Variants in PIGN observed in about 807,000 individuals in gnomAD.
The protein encoded by PIGN is phosphatidylinositol glycan anchor biosynthesis class N, also known as GPI ethanolamine phosphate transferase 1.
In PIGN, 117 loss-of-function variants were observed where a neutral mutation model predicts 125.4. The ratio of observed to expected loss-of-function variants is 0.93; its 90% CI spans 0.80 to 1.09. The LOEUF (loss-of-function observed/expected upper bound fraction) is 1.09. PIGN is among the 50% of genes least tolerant of loss of function. The pLI is 0.00. For synonymous variants in PIGN, 392 were observed against 377.8 expected (o/e 1.04, Z -0.44); for missense variants, 1,075 against 1,094.9 (o/e 0.98, Z 0.26).
At chr18:62,088,161 A>T (rs930465344) in intron 25 of PIGN, among the ~76,000 whole-genome samples, 2 of 152,204 alleles carry the variant, frequency 1.3e-5, no homozygotes, top group African/African-American at 4.8e-5. Flanking sequence ...AATTTTTGTC[A>T]ATTATACTTC....
chr18:62,124,221 C>T (rs1475314883), intron 14 of PIGN, among the ~76,000 whole-genome samples: 1 of 152,120 alleles, frequency 6.6e-6, no homozygotes, highest in Non-Finnish European at 1.5e-5. Context: ...GTAGACCAAG[C>T]ATTCCACAGA....
chr18:62,102,280 TA>T (rs764063220), intron 21 of PIGN, among the ~76,000 whole-genome samples: 7 of 145,724 alleles, frequency 4.8e-5, no homozygotes, highest in Non-Finnish European at 9.0e-5. Context: ...ATCAAATTAC[TA>T]AAAAGTACCC....
chr18:62,119,392 G>C (rs1447197384), intron 14 of PIGN, among the ~76,000 whole-genome samples: 1 of 145,620 alleles, frequency 6.9e-6, no homozygotes, highest in Non-Finnish European at 1.5e-5. Context: ...AGACAAGACA[G>C]AAAGTTGTAA....
intron 30 of PIGN, among the ~76,000 whole-genome samples, chr18:62,065,030 A>G (rs1305876520): frequency 6.6e-6 from 1 of 152,186 alleles, no homozygotes; most frequent in Non-Finnish European, 1.5e-5. Flanking sequence ...AAGGACAAAC[A>G]CGGGACTTCC....
intron 30 of PIGN, among the ~76,000 whole-genome samples, chr18:62,065,975 C>T (rs573085268): frequency 5.9e-5 from 9 of 151,986 alleles, no homozygotes; most frequent in African/African-American, 2.2e-4. Flanking sequence ...TTCATCACTA[C>T]TTCCCTGATT....
At position 62,090,469 on chromosome 18, in the gene PIGN, C is replaced by A. The variant is rs1323150225; in HGVS notation, c.2283+7G>T. 1 of 1,549,932 alleles carries A rather than the reference C, an allele frequency of 6.5e-7. No homozygotes were observed. Among genetic ancestry groups the A allele is most frequent in the South Asian group, 1.1e-5 (1 of 87,054 alleles). On this transcript the variant is annotated splice_region_variant and intron_variant, in intron 24 of 30. Coordinates refer to ENST00000640252, the MANE Select transcript of PIGN (RefSeq NM_176787.5). ...AAATAAAAACAAAAATGACTTTGAC[C>A]AGCTACCTTTTGTTTACAGCAAACA...
At chr18:62,112,055 T>C (rs977199644) in intron 16 of PIGN, among the ~76,000 whole-genome samples, 4 of 152,182 alleles carry the variant, frequency 2.6e-5, no homozygotes, top group Non-Finnish European at 5.9e-5. Flanking sequence ...GAGTGGCCTT[T>C]AATAAGTAAC....
In PIGN at chr18:62,041,780, C is replaced by T. The variant is rs62096630; in HGVS notation, c.*4076G>A. 0.3 allele frequency: 44,749 copies of T among 150,600 alleles called. 7,899 individuals are homozygous for T. Among genetic ancestry groups the T allele is most frequent in the East Asian group, 0.58 (2,941 of 5,044 alleles). 9.3% of individuals were successfully genotyped at this position (150,600 alleles called of 1,614,324 possible). ...CTGACCTCAAGTGATCCACCCACCT[C>T]GGCCTCCCAAAGTGCTGGAATTACA... On this transcript the variant is annotated 3_prime_UTR_variant, in exon 31 of 31. Coordinates refer to ENST00000640252, the MANE Select transcript of PIGN (RefSeq NM_176787.5).
intron 14 of PIGN, among the ~76,000 whole-genome samples, chr18:62,119,660 A>G (rs1335410209): frequency 1.3e-5 from 2 of 152,106 alleles, no homozygotes; most frequent in East Asian, 3.9e-4. Context: ...CCTGGCCAAC[A>G]TGGTGAAACC....
At chr18:62,024,902 C>G (rs975406150) in intron 23 of PIGN, among the ~76,000 whole-genome samples, 6 of 152,178 alleles carry the variant, frequency 3.9e-5, no homozygotes, top group African/African-American at 1.4e-4. Flanking sequence ...TTGGAAATGT[C>G]ACCATGAATA....
Position 62,154,526 on chromosome 18 carries a change from A to C in PIGN, c.549+19T>G. 8.9e-7 allele frequency: 1 copy of C among 1,125,404 alleles called. No homozygotes were observed. The highest frequency in any genetic ancestry group is 1.3e-6 in the Non-Finnish European group (1 of 741,596). 69.7% of individuals were successfully genotyped at this position (1,125,404 alleles called of 1,614,324 possible). A position where few individuals can be genotyped will look rare whatever the true frequency, so the allele number is the denominator to read the frequency against. On this transcript the variant is annotated intron_variant, in intron 7 of 30. Transcript: ENST00000640252. ...GTAAAAATATGCTTTTTGTATATTA[A>C]CCACTCAATAGCACAAACCTTAACA...
chr18:62,038,249 C>T (rs541461528), downstream of PIGN, among the ~76,000 whole-genome samples: 3 of 149,532 alleles, frequency 2.0e-5, no homozygotes, highest in East Asian at 2.0e-4. Context: ...AGTGGAGCTT[C>T]GGATTTCTCG....
At position 62,093,025 on chromosome 18, in the gene PIGN, G is replaced by A. The variant is rs546118823; in HGVS notation, c.2181-2447C>T. 1.1e-4 allele frequency among the ~76,000 whole-genome samples: 16 copies of A among 152,048 alleles called. No individual in the cohort carries two copies. In the South Asian group the frequency reaches 3.1e-3, roughly 30 times the overall value. ...TTTTATAGCAGCTTATAACTCTATT[G>A]TACACTAGCAGTACACTAATGGTTC... On this transcript the variant is annotated intron_variant, in intron 23 of 30. Coordinates refer to ENST00000640252, the MANE Select transcript of PIGN (RefSeq NM_176787.5).
At position 62,045,739 on chromosome 18, in the gene PIGN, T is replaced by G; in HGVS notation, c.*117A>C. 1 of 934,382 alleles carries G rather than the reference T, an allele frequency of 1.1e-6. No homozygotes were observed. Among genetic ancestry groups the G allele is most frequent in the Non-Finnish European group, 1.5e-6 (1 of 652,546 alleles). The allele number at this position is 934,382 out of a possible 1,614,324, so 57.9% of individuals were successfully genotyped here. A position where few individuals can be genotyped will look rare whatever the true frequency, so the allele number is the denominator to read the frequency against. On this transcript the variant is annotated 3_prime_UTR_variant, in exon 31 of 31. Transcript: ENST00000640252. ...CAATTCGGAATTCCAAATACCATTTTCCTTACAGGAGTAGAATATACTATA... is the reference window on the plus strand; with the variant it reads ...CAATTCGGAATTCCAAATACCATTTGCCTTACAGGAGTAGAATATACTATA...
chr18:62,137,499 C>G (rs949472513), intron 14 of PIGN: 1 of 164,230 alleles, frequency 6.1e-6, no homozygotes, highest in African/African-American at 2.4e-5. Context: ...CCAGTAGAAG[C>G]TGATGTCTCC....
chr18:62,116,091 G>C (rs1317176176), intron 14 of PIGN, among the ~76,000 whole-genome samples: 1 of 152,190 alleles, frequency 6.6e-6, no homozygotes, highest in African/African-American at 2.4e-5. Context: ...GGAGGGAAAA[G>C]GTGCCACAAG....
chr18:62,124,510 G>A (rs1023310099), intron 14 of PIGN, among the ~76,000 whole-genome samples: 2 of 152,170 alleles, frequency 1.3e-5, no homozygotes, highest in Non-Finnish European at 2.9e-5. Context: ...TATCTCTAAA[G>A]TGGAGGAAAA....
chr18:62,151,330 C>CA (rs1018213484), intron 7 of PIGN, among the ~76,000 whole-genome samples: 10 of 152,106 alleles, frequency 6.6e-5, no homozygotes, highest in Non-Finnish European at 1.3e-4. Flanking sequence ...AGGGAGAGGC[C>CA]ATTTCCTGAT....
chr18:62,030,081 TTAG>T (rs1261636056), intron 23 of PIGN, among the ~76,000 whole-genome samples: 5 of 152,162 alleles, frequency 3.3e-5, no homozygotes, highest in Non-Finnish European at 5.9e-5. Flanking sequence ...CTGGAAGCAT[TTAG>T]AACAGCAGCT....
Sources: gnomAD v4.1 joint callset for allele counts (sites outside exome capture counted in the v4.1 genomes callset) on GRCh38, gnomAD v4.1.1 for gene constraint, MANE v1.5 for transcripts, NCBI Gene and HGNC (gene_info 2026-07-23, HGNC 2026-07-21) for gene names.